ELOB: variants seen among roughly 807,000 people sequenced by gnomAD.
ELOB encodes the protein elongin-B.
In ELOB, 3 loss-of-function variants were observed where a neutral mutation model predicts 12.9. That is an observed-to-expected ratio of 0.23 (90% CI 0.11 to 0.60). The LOEUF is 0.60. ELOB is among the 20% of genes least tolerant of loss of function. ELOB has a pLI of 0.89. For missense variants in ELOB, 126 were observed against 159.2 expected (o/e 0.79, Z 1.12); for synonymous variants, 84 against 67.4 (o/e 1.25, Z -1.21).
chr16:2,772,385 G>T (rs886650021), intron 3 of ELOB: 1 of 247,592 alleles, frequency 4.0e-6, no homozygotes, highest in South Asian at 8.5e-5. Context: ...TGAGTCTGAG[G>T]GCTCACCATC....
intron 3 of ELOB, chr16:2,772,559 A>T: frequency 6.6e-6 from 1 of 151,322 alleles, no homozygotes; most frequent in Non-Finnish European, 1.5e-5. Flanking sequence ...AAAAAAAAAA[A>T]ATTAGCCGGG....
chr16:2,775,859 C>T (rs957700690), intron 2 of ELOB, among the ~76,000 whole-genome samples: 8 of 152,222 alleles, frequency 5.3e-5, no homozygotes, highest in African/African-American at 1.9e-4. Flanking sequence ...CCAGCTCTGT[C>T]ACCCTGGACT....
At chr16:2,772,856 C>A (rs200345932) in intron 3 of ELOB, among the ~76,000 whole-genome samples, 1 of 7,256 alleles carries the variant, frequency 1.4e-4, no homozygotes, top group African/African-American at 5.1e-4. Context: ...TCTCTATGTT[C>A]TTCTGTAAGT....
At chr16:2,775,935 A>G (rs1478988316) in intron 2 of ELOB, among the ~76,000 whole-genome samples, 1 of 152,154 alleles carries the variant, frequency 6.6e-6, no homozygotes, top group Non-Finnish European at 1.5e-5. Context: ...ATGCAGTGGC[A>G]CAGACCCAAC....
rs1454375171 is a variant in ELOB, at chr16:2,777,026, G to C, written c.105C>G (p.Leu35=). The change falls in exon 2 of 4, where the codon CTC becomes CTG. Residue 35 remains leucine, a synonymous_variant. Coordinates refer to ENST00000409906, the MANE Select transcript of ELOB (RefSeq NM_007108.4). ...FELKRIVEGI[L]KRPPDEQRLY... is the part of the protein sequence containing the mutation. Reference sequence around the variant, plus strand: ...GCCGCTGCTCGTCAGGAGGCCGCTTGAGGATGCCCTCGACGATGCGCTTCA... The same window carrying C: ...GCCGCTGCTCGTCAGGAGGCCGCTTCAGGATGCCCTCGACGATGCGCTTCA... 3 of 1,603,832 alleles carry C rather than the reference G, an allele frequency of 1.9e-6. No individual in the cohort carries two copies. Among genetic ancestry groups the C allele is most frequent in the Non-Finnish European group, 1.7e-6 (2 of 1,176,688 alleles).
At position 2,771,655 on chromosome 16, in the gene ELOB, C is replaced by G; in HGVS notation, c.*335G>C. The G allele has an allele frequency of 6.2e-7, 1 of 1,611,378 alleles. No individual in the cohort carries two copies. The highest frequency in any genetic ancestry group is 8.5e-7 in the Non-Finnish European group (1 of 1,178,930). On this transcript the variant is annotated 3_prime_UTR_variant, in exon 4 of 4. Transcript: ENST00000409906. ...GGAGAAAGGCCTAAAACTGGAATCT[C>G]TTGTCCCTGAGGCTGGCTCTGGTCT...
chr16:2,775,617 G>A, intron 2 of ELOB, 61 bp from the exon 3 acceptor site: 2 of 1,375,256 alleles, frequency 1.5e-6, no homozygotes, highest in East Asian at 2.3e-5. Flanking sequence ...AAAGACTTCT[G>A]ACCAGCAACT....
intron 3 of ELOB, 126 bp downstream of exon 3, chr16:2,775,324 GC>G: frequency 1.8e-6 from 1 of 543,700 alleles, no homozygotes; most frequent in Non-Finnish European, 3.1e-6. Context: ...GATATTGCCA[GC>G]CCTTTAGGCA....
Position 2,777,249 on chromosome 16 carries a change from T to C in ELOB, c.-10A>G, listed in dbSNP as rs1296224640. On this transcript the variant is annotated 5_prime_UTR_variant, in exon 1 of 4. Transcript: ENST00000409906. ...CACGCCCGCTCACCATCGCGGCTGC[T>C]GCCTCTCCCCTCGACGCGCCGGCGC... The C allele has an allele frequency of 5.9e-6, 6 of 1,024,412 alleles. No individual in the cohort carries two copies. The highest frequency in any genetic ancestry group is 3.9e-5 in the South Asian group (1 of 25,672). 63.5% of individuals were successfully genotyped at this position (1,024,412 alleles called of 1,614,324 possible). A position where few individuals can be genotyped will look rare whatever the true frequency, so the allele number is the denominator to read the frequency against.
chr16:2,774,071 AAC>A lies in ELOB; in HGVS notation c.244+1378_244+1379del, dbSNP rs552494688. 2.4e-4 allele frequency among the ~76,000 whole-genome samples: 37 copies of A among 152,182 alleles called. 1 individual carries two copies. The South Asian group carries it at 7.7e-3, about 32-fold the overall frequency. ...ATGGTGAAACCCCATCTCTACTAAA[AAC>A]ACAAAGATTAGCTGGGCGTGGTGGC... On this transcript the variant is annotated intron_variant, in intron 3 of 3. Coordinates refer to ENST00000409906, the MANE Select transcript of ELOB (RefSeq NM_007108.4).
intron 3 of ELOB, among the ~76,000 whole-genome samples, chr16:2,773,958 C>T (rs545122809): frequency 1.4e-4 from 22 of 152,232 alleles, no homozygotes; most frequent in Admixed American, 3.3e-4. Context: ...GGCCAGGCAC[C>T]GAGGCTCAGG....
At position 2,771,574 on chromosome 16, in the gene ELOB, C is replaced by A; in HGVS notation, c.*416G>T. ...ACTGGCTCCAGCTTGTGTTTCTGCT[C>A]TTGGCCATCGTCTGGGAGTGGACAT... On this transcript the variant is annotated 3_prime_UTR_variant, in exon 4 of 4. Transcript: ENST00000409906. The A allele has an allele frequency of 6.2e-7, 1 of 1,614,118 alleles. No individual in the cohort carries two copies. The highest frequency in any genetic ancestry group is 8.5e-7 in the Non-Finnish European group (1 of 1,180,040).
intron 2 of ELOB, among the ~76,000 whole-genome samples, chr16:2,776,710 A>G (rs934452407): frequency 3.3e-5 from 5 of 152,202 alleles, no homozygotes; most frequent in African/African-American, 1.2e-4. Flanking sequence ...CCGAACCTCA[A>G]TTTCGTCAAC....
chr16:2,771,894 G>A lies in ELOB; in HGVS notation c.*96C>T. ...AAGCCCCAAAAGGAGCCCACAGGGA[G>A]TGGGACCCATCCCAGGGAGGGGCGG... On this transcript the variant is annotated 3_prime_UTR_variant, in exon 4 of 4. Transcript: ENST00000409906. 1.3e-6 allele frequency: 2 copies of A among 1,507,874 alleles called. No homozygotes were observed. Among genetic ancestry groups the A allele is most frequent in the South Asian group, 1.3e-5 (1 of 76,342 alleles). 93.4% of individuals were successfully genotyped at this position (1,507,874 alleles called of 1,614,324 possible). A position where few individuals can be genotyped will look rare whatever the true frequency, so the allele number is the denominator to read the frequency against.
intron 3 of ELOB, 71 bp from the exon 4 acceptor site, chr16:2,772,173 G>A (rs2285877): frequency 0.25 from 362,185 of 1,471,908 alleles, 48,030 homozygotes; most frequent in East Asian, 0.59. Context: ...TGGTGTTCAC[G>A]TGTGATCATC....
rs767438539 is a variant in ELOB at position 2,775,661 on chromosome 16, C to G, written c.139-105G>C. The G allele has an allele frequency of 3.4e-5, 28 of 815,848 alleles. No individual in the cohort carries two copies. The African/African-American group carries it at 4.6e-4, about 13-fold the overall frequency. 50.5% of individuals were successfully genotyped at this position (815,848 alleles called of 1,614,324 possible). ...AGTCAGAGGAGGGAAGAGAGAGTTCCCTCAGTGTGGCCCAGGACCACCACG... is the reference window on the plus strand; with the variant it reads ...AGTCAGAGGAGGGAAGAGAGAGTTCGCTCAGTGTGGCCCAGGACCACCACG... On this transcript the variant is annotated intron_variant, in intron 2 of 3. Coordinates refer to ENST00000409906, the MANE Select transcript of ELOB (RefSeq NM_007108.4).
intron 3 of ELOB, among the ~76,000 whole-genome samples, chr16:2,772,761 C>G (rs891729153): frequency 6.6e-6 from 1 of 152,082 alleles, no homozygotes; most frequent in African/African-American, 2.4e-5. Context: ...TGAAAACCAT[C>G]CAGTGGCTTC....
At chr16:2,772,143 T>C in intron 3 of ELOB, 41 bp from the exon 4 acceptor site, 1 of 1,535,874 alleles carries the variant, frequency 6.5e-7, no homozygotes, top group Non-Finnish European at 8.8e-7. Context: ...GTATTCCAGC[T>C]CTTGCCCCAG....
rs900487035 is a variant in ELOB at position 2,777,241 on chromosome 16, G to A, written c.-2C>T. The A allele has an allele frequency of 3.9e-6, 4 of 1,017,232 alleles. No individual in the cohort carries two copies. The African/African-American group carries it at 7.1e-5, about 18-fold the overall frequency. The allele number at this position is 1,017,232 out of a possible 1,614,324, so 63.0% of individuals were successfully genotyped here. On this transcript the variant is annotated 5_prime_UTR_variant, in exon 1 of 4. Coordinates refer to ENST00000409906, the MANE Select transcript of ELOB (RefSeq NM_007108.4). Reference sequence around the variant, plus strand: ...CCCTCCCCCACGCCCGCTCACCATCGCGGCTGCTGCCTCTCCCCTCGACGC... The same window carrying A: ...CCCTCCCCCACGCCCGCTCACCATCACGGCTGCTGCCTCTCCCCTCGACGC...
Sources: allele counts gnomAD v4.1 joint callset (sites outside exome capture counted in the v4.1 genomes callset), GRCh38; gene constraint gnomAD v4.1.1; transcripts MANE v1.5; gene names NCBI Gene and HGNC (gene_info 2026-07-23, HGNC 2026-07-21).